The following TCF12 variants were observed in gnomAD, a reference collection of about 807,000 sequenced individuals.
The protein encoded by TCF12 is DNA-binding protein HTF4.
TCF12 carries 45 observed loss-of-function variants against 86.0 expected under a neutral mutation model. That is an observed-to-expected ratio of 0.52 (90% CI 0.41 to 0.67). The LOEUF is 0.67. TCF12 is among the 30% of genes least tolerant of loss of function. The pLI is 0.00. For synonymous variants in TCF12, 330 were observed against 299.6 expected (o/e 1.10, Z -1.05); for missense variants, 881 against 859.9 (o/e 1.02, Z -0.31).
intron 3 of TCF12, among the ~76,000 whole-genome samples, chr15:56,994,458 A>G (rs1220480659): frequency 1.3e-5 from 2 of 152,170 alleles, no homozygotes; most frequent in Admixed American, 1.3e-4. Flanking sequence ...ATTGAAAGAC[A>G]CAAACATACA....
chr15:57,249,704 T>A (rs1330969326), intron 13 of TCF12, among the ~76,000 whole-genome samples: 2 of 152,152 alleles, frequency 1.3e-5, no homozygotes, highest in Non-Finnish European at 2.9e-5. Flanking sequence ...GCTTCCTAAG[T>A]AAGGCAAATT....
chr15:57,182,104 C>A (rs1294870018), intron 6 of TCF12, among the ~76,000 whole-genome samples: 1 of 152,132 alleles, frequency 6.6e-6, no homozygotes, highest in African/African-American at 2.4e-5. Flanking sequence ...TCTATATCCT[C>A]TGGGATCGTT....
intron 5 of TCF12, among the ~76,000 whole-genome samples, chr15:57,093,745 C>G (rs72731917): frequency 0.017 from 2,629 of 152,068 alleles, 41 homozygotes; most frequent in Non-Finnish European, 0.028. Context: ...AGAATACGTT[C>G]AATAGTCATC....
intron 3 of TCF12, among the ~76,000 whole-genome samples, chr15:57,023,389 A>C (rs2065616196): frequency 6.6e-6 from 1 of 152,188 alleles, no homozygotes; most frequent in Non-Finnish European, 1.5e-5. Context: ...TCTCTTTACC[A>C]AACAGAGTAA....
At chr15:57,071,919 T>C (rs943563363) in intron 4 of TCF12, among the ~76,000 whole-genome samples, 1 of 152,190 alleles carries the variant, frequency 6.6e-6, no homozygotes, top group African/African-American at 2.4e-5. Flanking sequence ...ATTCGGTAGA[T>C]AATAAATCAG....
At chr15:57,250,893 C>CAA in intron 13 of TCF12, among the ~76,000 whole-genome samples, 1 of 112,566 alleles carries the variant, frequency 8.9e-6, no homozygotes, top group Non-Finnish European at 1.9e-5. Context: ...GACTCCATCT[C>CAA]AAAAAAAAAA....
intron 12 of TCF12, among the ~76,000 whole-genome samples, chr15:57,235,727 A>G (rs1189602800): frequency 6.6e-6 from 1 of 152,208 alleles, no homozygotes; most frequent in Non-Finnish European, 1.5e-5. Context: ...GACAAATAAC[A>G]TTTGAACTTT....
intron 5 of TCF12, among the ~76,000 whole-genome samples, chr15:57,113,600 AGGAGTACT>A (rs1371263904): frequency 6.6e-6 from 1 of 151,770 alleles, no homozygotes; most frequent in East Asian, 1.9e-4. Flanking sequence ...CTTTCAAGAA[AGGAGTACT>A]GTCATTGTCT....
At chr15:57,200,493 A>G (rs866197468) in intron 8 of TCF12, among the ~76,000 whole-genome samples, 3 of 152,202 alleles carry the variant, frequency 2.0e-5, no homozygotes, top group Admixed American at 1.3e-4. Flanking sequence ...GATAATTTGA[A>G]TATTATACTT....
chr15:57,233,864 G>A (rs1194501872), intron 11 of TCF12, among the ~76,000 whole-genome samples, 179 bp from the exon 12 acceptor site: 1 of 152,152 alleles, frequency 6.6e-6, no homozygotes, highest in Non-Finnish European at 1.5e-5. Context: ...CATCAATATA[G>A]ACACTGGTAA....
chr15:57,256,260 T>C (rs374130680), intron 16 of TCF12, among the ~76,000 whole-genome samples: 6 of 152,176 alleles, frequency 3.9e-5, no homozygotes, highest in African/African-American at 1.2e-4. Flanking sequence ...GTCTTAGGCA[T>C]GTTATTGAGG....
intron 8 of TCF12, among the ~76,000 whole-genome samples, chr15:57,205,390 A>G (rs975135373): frequency 3.9e-5 from 6 of 152,380 alleles, no homozygotes; most frequent in Non-Finnish European, 7.3e-5. Context: ...TAGTATTTAC[A>G]TAAAGTACCA....
chr15:57,012,080 A>G (rs1158499707), intron 3 of TCF12, among the ~76,000 whole-genome samples: 1 of 152,158 alleles, frequency 6.6e-6, no homozygotes, highest in African/African-American at 2.4e-5. Context: ...TTAAGCAGGG[A>G]TCTTAATAGG....
chr15:56,978,503 T>C (rs2062727832), intron 3 of TCF12, among the ~76,000 whole-genome samples: 1 of 152,166 alleles, frequency 6.6e-6, no homozygotes, highest in Non-Finnish European at 1.5e-5. Flanking sequence ...AATACATTTT[T>C]AGGGAAACGT....
intron 19 of TCF12, among the ~76,000 whole-genome samples, chr15:57,276,835 C>G (rs1401022796): frequency 1.4e-5 from 2 of 140,642 alleles, no homozygotes; most frequent in Non-Finnish European, 3.0e-5. Context: ...GGCCGAGTCT[C>G]GCCCTGTCAC....
intron 3 of TCF12, among the ~76,000 whole-genome samples, chr15:57,023,294 C>G (rs2065610769): frequency 6.6e-6 from 1 of 152,086 alleles, no homozygotes; most frequent in Admixed American, 6.6e-5. Flanking sequence ...CTTGTAGGTA[C>G]TTTATGTCTT....
intron 5 of TCF12, among the ~76,000 whole-genome samples, chr15:57,165,797 A>G (rs940355058): frequency 2.6e-5 from 4 of 152,058 alleles, no homozygotes; most frequent in South Asian, 2.1e-4. Context: ...TCGCCTCCCA[A>G]AGTGCTGGGA....
At chr15:57,006,829 T>C (rs536133218) in intron 3 of TCF12, among the ~76,000 whole-genome samples, 1 of 151,818 alleles carries the variant, frequency 6.6e-6, no homozygotes, top group Non-Finnish European at 1.5e-5. Flanking sequence ...GGTGGGAGGA[T>C]TGCTTGAGTT....
chr15:57,192,382 T>A, intron 7 of TCF12, 89 bp downstream of exon 7: 1 of 1,515,534 alleles, frequency 6.6e-7, no homozygotes, highest in Non-Finnish European at 8.9e-7. Context: ...TGCTTTTTTT[T>A]TTTTTTCTTT....
Sources: allele counts gnomAD v4.1 joint callset (sites outside exome capture counted in the v4.1 genomes callset), GRCh38; gene constraint gnomAD v4.1.1; transcripts MANE v1.5; gene names NCBI Gene and HGNC (gene_info 2026-07-23, HGNC 2026-07-21).